The following TEX101 variants were observed in gnomAD, a reference collection of about 807,000 sequenced individuals.
TEX101 encodes testis expressed 101.
TEX101 carries 10 observed loss-of-function variants against 18.1 expected under a neutral mutation model. That is an observed-to-expected ratio of 0.55 (90% CI 0.34 to 0.94). The LOEUF (loss-of-function observed/expected upper bound fraction) is 0.94, where lower values mean the gene tolerates loss of function less well. Ranked by LOEUF, TEX101 falls within the 40% of genes least tolerant of loss-of-function variation. The pLI is 0.02. For missense variants in TEX101, 259 were observed against 298.9 expected (o/e 0.87, Z 0.98); for synonymous variants, 94 against 114.8 (o/e 0.82, Z 1.16).
upstream of TEX101, among the ~76,000 whole-genome samples, chr19:43,413,862 T>G (rs1229392392): frequency 1.3e-5 from 2 of 151,094 alleles, no homozygotes; most frequent in Non-Finnish European, 1.5e-5. Context: ...GACTGAGGCA[T>G]GAGAATCGCT....
intron 1 of TEX101, among the ~76,000 whole-genome samples, chr19:43,415,307 A>G (rs1184273181): frequency 6.6e-6 from 1 of 151,984 alleles, no homozygotes. Flanking sequence ...AGCGGCCTTC[A>G]GGGCCACACT....
At chr19:43,411,390 A>C (rs1300751158), upstream of TEX101, among the ~76,000 whole-genome samples, 1 of 151,600 alleles carries the variant, frequency 6.6e-6, no homozygotes, top group Non-Finnish European at 1.5e-5. Context: ...AGAAAGTTTT[A>C]AACAGGAGTA....
the TEX101 span, among the ~76,000 whole-genome samples, chr19:43,390,689 G>C: frequency 2.0e-5 from 3 of 151,148 alleles, no homozygotes; most frequent in Admixed American, 6.6e-5. Flanking sequence ...GGATTGTCTC[G>C]ATCTCCTGAC....
intron 2 of TEX101, among the ~76,000 whole-genome samples, chr19:43,404,616 T>C (rs1416329226): frequency 6.6e-6 from 1 of 152,062 alleles, no homozygotes. Flanking sequence ...CCACATTTGC[T>C]TGATTGATTT....
chr19:43,407,679 A>G (rs1970379981), intron 3 of TEX101, among the ~76,000 whole-genome samples: 1 of 152,190 alleles, frequency 6.6e-6, no homozygotes. Context: ...CTAAGCTGCC[A>G]TCCGTGGGAT....
At chr19:43,409,563 G>GA (rs1970400743) in intron 3 of TEX101, among the ~76,000 whole-genome samples, 1 of 150,668 alleles carries the variant, frequency 6.6e-6, no homozygotes, top group Admixed American at 6.6e-5. Flanking sequence ...TGTGAGTATT[G>GA]AAAAAGATAT....
chr19:43,409,869 G>A (rs1345151776), intron 3 of TEX101, among the ~76,000 whole-genome samples: 2 of 152,064 alleles, frequency 1.3e-5, no homozygotes, highest in Admixed American at 6.6e-5. Context: ...ACATTCTGTG[G>A]CTTGGGGTTT....
At chr19:43,389,714 AC>A in the TEX101 span, among the ~76,000 whole-genome samples, 3 of 152,078 alleles carry the variant, frequency 2.0e-5, no homozygotes, top group African/African-American at 7.2e-5. Flanking sequence ...CACCCTGGGC[AC>A]CCGACCCCTC....
chr19:43,413,518 G>T (rs1448245748), upstream of TEX101, among the ~76,000 whole-genome samples: 1 of 147,450 alleles, frequency 6.8e-6, no homozygotes, highest in Non-Finnish European at 1.5e-5. Context: ...AAAAGGCCAA[G>T]AATTTATTTT....
the TEX101 span, among the ~76,000 whole-genome samples, chr19:43,391,516 C>G: frequency 1.8e-4 from 26 of 143,054 alleles, no homozygotes; most frequent in South Asian, 6.8e-4. Context: ...TGTTGAGCAT[C>G]TTTTCATGTG....
chr19:43,395,861 C>A, the TEX101 span, among the ~76,000 whole-genome samples: 1 of 152,216 alleles, frequency 6.6e-6, no homozygotes, highest in Admixed American at 6.5e-5. Flanking sequence ...CAGCCTGGAG[C>A]AGCAGCAGGA....
At chr19:43,398,246 TAA>T (rs925639022), upstream of TEX101, among the ~76,000 whole-genome samples, 5 of 120,816 alleles carry the variant, frequency 4.1e-5, no homozygotes, top group African/African-American at 1.6e-4. Context: ...ATAAAATATA[TAA>T]TATATATAAT....
chr19:43,414,463 C>G (rs941664376), upstream of TEX101, among the ~76,000 whole-genome samples: 1 of 152,154 alleles, frequency 6.6e-6, no homozygotes, highest in Non-Finnish European at 1.5e-5. Flanking sequence ...CAAGCTGACT[C>G]CCAGAGGCTA....
chr19:43,404,099 AG>A (rs1211795392), intron 2 of TEX101, among the ~76,000 whole-genome samples: 2 of 148,556 alleles, frequency 1.3e-5, no homozygotes, highest in Non-Finnish European at 3.0e-5. Context: ...AAAAAAAAAA[AG>A]CTCTACACAT....
Position 43,418,155 on chromosome 19 carries a change from C to T in TEX101, c.521-13C>T. On this transcript the variant is annotated splice_polypyrimidine_tract_variant and intron_variant, in intron 5 of 5. Coordinates refer to ENST00000598265, the MANE Select transcript of TEX101 (RefSeq NM_001130011.3). ...AACATCTCTGTCTCTCCCGATCCTT[C>T]CTTGTTCTATAGGTGGCATTGAGTC... 1 of 1,614,020 alleles carries T rather than the reference C, an allele frequency of 6.2e-7. No homozygotes were observed. Among genetic ancestry groups the T allele is most frequent in the Non-Finnish European group, 8.5e-7 (1 of 1,179,892 alleles).
the TEX101 span, among the ~76,000 whole-genome samples, chr19:43,394,557 G>C: frequency 4.7e-5 from 7 of 149,982 alleles, no homozygotes; most frequent in African/African-American, 1.7e-4. Flanking sequence ...TGCAACCTCT[G>C]CCTCCCAGGT....
chr19:43,406,895 A>T (rs1970368844), intron 3 of TEX101, among the ~76,000 whole-genome samples: 1 of 151,604 alleles, frequency 6.6e-6, no homozygotes. Flanking sequence ...CATTCATAGG[A>T]ATGAGGCTTC....
intron 4 of TEX101, among the ~76,000 whole-genome samples, 190 bp from the exon 5 acceptor site, chr19:43,417,688 A>G (rs1278021895): frequency 6.6e-6 from 1 of 152,208 alleles, no homozygotes; most frequent in African/African-American, 2.4e-5. Context: ...ACACCTCAGC[A>G]GAGTTTGGAA....
intron 2 of TEX101, 30 bp from the exon 3 acceptor site, chr19:43,416,069 G>A (rs760916194): frequency 1.9e-6 from 3 of 1,607,200 alleles, no homozygotes; most frequent in Admixed American, 1.7e-5. Context: ...CCATGGAGAA[G>A]TGCTTATCCT....
Sources: allele counts gnomAD v4.1 joint callset (sites outside exome capture counted in the v4.1 genomes callset), GRCh38; gene constraint gnomAD v4.1.1; transcripts MANE v1.5; gene names NCBI Gene and HGNC (gene_info 2026-07-23, HGNC 2026-07-21).